Variants in CCDC178 observed in about 807,000 individuals in gnomAD.
CCDC178 encodes coiled-coil domain containing 178.
Under a neutral mutation model 117.4 loss-of-function variants are expected in CCDC178, and 126 were observed. The observed-to-expected ratio is 1.07, with a 90% CI of 0.93 to 1.24. CCDC178 has a LOEUF of 1.24. CCDC178 is among the 50% of genes most tolerant of loss of function. The probability of loss-of-function intolerance (pLI) is 0.00; values close to 1 mark genes in which losing one functional copy is unlikely to be tolerated. For missense variants in CCDC178, 1,030 were observed against 986.9 expected, an observed-to-expected ratio of 1.04 and a Z score of -0.59; for synonymous variants, 283 against 313.4, an observed-to-expected ratio of 0.90 and a Z score of 1.02.
Position 33,348,979 on chromosome 18 carries a change from T to C in CCDC178, c.372-4A>G, listed in dbSNP as rs778554124. On this transcript the variant is annotated splice_polypyrimidine_tract_variant and splice_region_variant and intron_variant, in intron 7 of 22. Coordinates refer to ENST00000383096, the MANE Select transcript of CCDC178 (RefSeq NM_001105528.4). The stretch of plus-strand genomic sequence containing the variant: ...TTTTGTGGAAGAAGTTCTGCTCCTA[T>C]ATAATGGGAAAGAAGCAAGCAGTAA... 1.9e-6 allele frequency: 3 copies of C among 1,591,648 alleles called. No homozygotes were observed. The highest frequency in any genetic ancestry group is 1.3e-5 in the African/African-American group (1 of 74,100).
chr18:32,967,608 G>A (rs765235263), intron 22 of CCDC178, among the ~76,000 whole-genome samples: 11 of 150,970 alleles, frequency 7.3e-5, no homozygotes, highest in Non-Finnish European at 1.6e-4. Context: ...ACTTTAAACT[G>A]TGCAATAAAA....
chr18:33,295,545 C>A (rs1433328194), intron 11 of CCDC178, among the ~76,000 whole-genome samples: 1 of 151,934 alleles, frequency 6.6e-6, no homozygotes, highest in Admixed American at 6.6e-5. Context: ...ATAACATATC[C>A]GATTAAAAAT....
intron 20 of CCDC178, among the ~76,000 whole-genome samples, chr18:33,130,231 T>A (rs180926905): frequency 6.6e-6 from 1 of 152,148 alleles, no homozygotes; most frequent in Admixed American, 6.6e-5. Context: ...ATTTAAAATA[T>A]CTGTAAAAAA....
chr18:33,040,949 G>C (rs2056538960), intron 21 of CCDC178, among the ~76,000 whole-genome samples: 1 of 151,896 alleles, frequency 6.6e-6, no homozygotes, highest in Non-Finnish European at 1.5e-5. Context: ...TGAAAGAATA[G>C]TGTGAATATG....
rs568940270 is a variant in CCDC178 at position 33,405,179 on chromosome 18, T to C, written c.58+6852A>G. Among the ~76,000 whole-genome samples, 12 of 152,034 alleles carry C rather than the reference T, an allele frequency of 7.9e-5. No individual in the cohort carries two copies. In the South Asian group the frequency reaches 2.5e-3, roughly 32 times the overall value. On this transcript the variant is annotated intron_variant, in intron 3 of 22. Transcript: ENST00000383096. ...ATATGCCAAAATAGAACAATAGTTA[T>C]TTAAATTATGATAAAGAAGACTGAG...
intron 4 of CCDC178, among the ~76,000 whole-genome samples, chr18:33,393,816 G>T (rs962700645): frequency 2.6e-5 from 4 of 151,992 alleles, no homozygotes; most frequent in Admixed American, 2.6e-4. Context: ...TAGTTTTGTG[G>T]ACCTATGCTT....
At chr18:33,407,077 A>C (rs1192476669) in intron 3 of CCDC178, among the ~76,000 whole-genome samples, 1 of 152,222 alleles carries the variant, frequency 6.6e-6, no homozygotes, top group East Asian at 1.9e-4. Flanking sequence ...ATGGCTGCAC[A>C]TACATGCTTA....
At chr18:33,158,831 A>G (rs2058431041) in intron 20 of CCDC178, among the ~76,000 whole-genome samples, 2 of 152,118 alleles carry the variant, frequency 1.3e-5, no homozygotes, top group African/African-American at 4.8e-5. Flanking sequence ...AAGATAATAA[A>G]TTGGAAGAAA....
rs374505982 is a variant in CCDC178, at chr18:33,044,047, ATG to A, written c.2388+48712_2388+48713del. Reference sequence around the variant, plus strand: ...TATATATACACACACACACCAGCATATGTGTGTGTGTGTGTGTGTGTATGTGT... The same window carrying A: ...TATATATACACACACACACCAGCATATGTGTGTGTGTGTGTGTGTATGTGT... On this transcript the variant is annotated intron_variant, in intron 21 of 22. Coordinates refer to ENST00000383096, the MANE Select transcript of CCDC178 (RefSeq NM_001105528.4). 3.8e-3 allele frequency among the ~76,000 whole-genome samples: 547 copies of A among 145,540 alleles called. 2 individuals are homozygous for A. The highest frequency in any genetic ancestry group is 0.012 in the South Asian group (56 of 4,522).
At chr18:33,017,505 G>A (rs1040353185) in intron 21 of CCDC178, among the ~76,000 whole-genome samples, 3 of 151,884 alleles carry the variant, frequency 2.0e-5, no homozygotes, top group Admixed American at 6.6e-5. Context: ...TGTTAACATG[G>A]CAATACTTCC....
At chr18:33,201,712 G>T (rs1156304603) in intron 20 of CCDC178, among the ~76,000 whole-genome samples, 1 of 152,154 alleles carries the variant, frequency 6.6e-6, no homozygotes, top group Non-Finnish European at 1.5e-5. Context: ...CTAGGAAGAC[G>T]CTGACAAGAG....
intron 3 of CCDC178, among the ~76,000 whole-genome samples, chr18:33,398,436 T>C (rs112689301): frequency 0.013 from 1,964 of 152,304 alleles, 37 homozygotes; most frequent in African/African-American, 0.045. Flanking sequence ...AGATTTGTGC[T>C]AATAAGAAAT....
intron 22 of CCDC178, among the ~76,000 whole-genome samples, chr18:32,963,573 C>G (rs183016781): frequency 6.6e-6 from 1 of 152,076 alleles, no homozygotes; most frequent in African/African-American, 2.4e-5. Flanking sequence ...TTTCCCTGTA[C>G]ACAATACTGT....
intron 21 of CCDC178, among the ~76,000 whole-genome samples, chr18:33,005,824 G>A (rs1223834906): frequency 2.0e-5 from 3 of 151,934 alleles, no homozygotes; most frequent in Non-Finnish European, 4.4e-5. Context: ...AGAAAGTAAT[G>A]ATCTTTTACG....
intron 21 of CCDC178, among the ~76,000 whole-genome samples, chr18:32,996,667 C>A (rs561837786): frequency 6.6e-6 from 1 of 151,876 alleles, no homozygotes; most frequent in African/African-American, 2.4e-5. Context: ...CCATAGGAAA[C>A]AGAAAATCCA....
intron 12 of CCDC178, among the ~76,000 whole-genome samples, chr18:33,286,361 T>C (rs938089944): frequency 6.6e-6 from 1 of 152,198 alleles, no homozygotes; most frequent in Non-Finnish European, 1.5e-5. Context: ...ACTGTTTTCA[T>C]GGTCCAAAAA....
At chr18:33,187,086 GGAGAGAGAGAGAGA>G (rs58400297) in intron 20 of CCDC178, among the ~76,000 whole-genome samples, 1 of 140,108 alleles carries the variant, frequency 7.1e-6, no homozygotes, top group East Asian at 2.2e-4. Context: ...CATGGCGGCA[GGAGAGAGAGAGAGA>G]GAGAGAGAGA....
intron 21 of CCDC178, among the ~76,000 whole-genome samples, chr18:32,980,540 C>T (rs1174807055): frequency 6.9e-6 from 1 of 144,476 alleles, no homozygotes; most frequent in Non-Finnish European, 1.5e-5. Context: ...CACAGCACTC[C>T]CGCCTGGGCG....
chr18:33,240,501 T>A (rs1256086953), intron 15 of CCDC178, among the ~76,000 whole-genome samples: 1 of 151,016 alleles, frequency 6.6e-6, no homozygotes, highest in Non-Finnish European at 1.5e-5. Context: ...AGAGAAGACA[T>A]AAATGAATAC....
Sources: gnomAD v4.1 joint callset for allele counts (sites outside exome capture counted in the v4.1 genomes callset) on GRCh38, gnomAD v4.1.1 for gene constraint, MANE v1.5 for transcripts, NCBI Gene and HGNC (gene_info 2026-07-23, HGNC 2026-07-21) for gene names.